Variants in TESMIN observed in about 807,000 individuals in gnomAD.
TESMIN encodes CXC domain containing 2.
Under a neutral mutation model 47.4 loss-of-function variants are expected in TESMIN, and 34 were observed. That is an observed-to-expected ratio of 0.72 (90% CI 0.55 to 0.96). The LOEUF (loss-of-function observed/expected upper bound fraction) is 0.96. Ranked by LOEUF, TESMIN falls within the 40% of genes least tolerant of loss-of-function variation. The probability of loss-of-function intolerance (pLI) is 0.00; values close to 1 mark genes in which losing one functional copy is unlikely to be tolerated. For missense variants in TESMIN, 610 were observed against 637.2 expected (o/e 0.96, Z 0.46); for synonymous variants, 278 against 258.9 (o/e 1.07, Z -0.71).
At chr11:68,712,205 C>A (rs1482614720) in intron 8 of TESMIN, among the ~76,000 whole-genome samples, 2 of 152,230 alleles carry the variant, frequency 1.3e-5, no homozygotes, top group Non-Finnish European at 2.9e-5. Flanking sequence ...GTGGGCTGAG[C>A]CACAGTTCCA....
chr11:68,725,186 G>C (rs575905840), intron 6 of TESMIN, among the ~76,000 whole-genome samples: 61 of 152,230 alleles, frequency 4.0e-4, no homozygotes, highest in African/African-American at 1.3e-3. Flanking sequence ...GAGAGCTGAC[G>C]GGGCTGCACT....
At chr11:68,741,732 TG>T (rs1946459442) in intron 5 of TESMIN, among the ~76,000 whole-genome samples, 1 of 152,132 alleles carries the variant, frequency 6.6e-6, no homozygotes, top group Admixed American at 6.5e-5. Flanking sequence ...TGCATTCTTG[TG>T]GGTGGATGCA....
intron 6 of TESMIN, chr11:68,736,819 A>G (rs1443460686): frequency 3.1e-6 from 3 of 974,350 alleles, no homozygotes; most frequent in Non-Finnish European, 2.4e-6. Context: ...CGAGAAGAGG[A>G]AGGAGGAGGA....
Position 68,708,475 on chromosome 11 carries a change from C to T in TESMIN, c.1360G>A (p.Glu454Lys). Residue 454 changes from glutamate (E) to lysine (K), a missense_variant, in exon 10 of 10, where the codon GAG becomes AAG. By Grantham distance (56) the Glu-to-Lys change is moderately conservative. Coordinates refer to ENST00000255087, the MANE Select transcript of TESMIN (RefSeq NM_004923.3). ...DRRPSSCISW[E>K]VVEATCACLL... ...CAGGCGCATGTGGCCTCCACCACCT[C>T]CCAGGAGATGCATGAGGAAGGCCGC... The T allele has an allele frequency of 6.2e-7, 1 of 1,610,866 alleles. No homozygotes were observed. The highest frequency in any genetic ancestry group is 8.5e-7 in the Non-Finnish European group (1 of 1,178,792).
chr11:68,747,104 A>G lies in TESMIN; in HGVS notation c.630+104T>C, dbSNP rs767717315. 8 of 1,309,640 alleles carry G rather than the reference A, an allele frequency of 6.1e-6. 1 individual carries two copies. The South Asian group carries it at 9.6e-5, about 16-fold the overall frequency. 81.1% of individuals were successfully genotyped at this position (1,309,640 alleles called of 1,614,324 possible). On this transcript the variant is annotated intron_variant, in intron 3 of 9. Coordinates refer to ENST00000255087, the MANE Select transcript of TESMIN (RefSeq NM_004923.3). ...ACAACCAAAAATCCTGATACAATAC[A>G]TACGTGAAATGAAAAACGAGTGAAA...
downstream of TESMIN, among the ~76,000 whole-genome samples, chr11:68,706,724 T>C (rs1946002305): frequency 6.6e-6 from 1 of 152,240 alleles, no homozygotes. Context: ...GAAACGATAG[T>C]ATTTTGGATA....
chr11:68,738,340 C>G (rs963464772), intron 6 of TESMIN: 3 of 1,019,480 alleles, frequency 2.9e-6, no homozygotes, highest in Admixed American at 1.1e-4. Context: ...GCTGCCACAC[C>G]ATTATTTCCA....
intron 6 of TESMIN, among the ~76,000 whole-genome samples, chr11:68,717,048 G>A (rs774752891): frequency 3.7e-4 from 56 of 152,374 alleles, no homozygotes; most frequent in Non-Finnish European, 6.3e-4. Flanking sequence ...AACCCTGGGC[G>A]TGTGAAGCTT....
At chr11:68,737,854 AG>A (rs1454117499) in intron 6 of TESMIN, 3 of 866,292 alleles carry the variant, frequency 3.5e-6, no homozygotes, top group Non-Finnish European at 4.2e-6. Context: ...CGGAGGTTGC[AG>A]TGAGCAGAGA....
At chr11:68,732,337 TA>T (rs1333178278) in intron 6 of TESMIN, among the ~76,000 whole-genome samples, 1 of 152,250 alleles carries the variant, frequency 6.6e-6, no homozygotes, top group African/African-American at 2.4e-5. Flanking sequence ...CATTCTGACG[TA>T]ATTCAAGTTA....
In TESMIN at chr11:68,750,694, G is replaced by A. The variant is rs569027620; in HGVS notation, c.-34C>T. On this transcript the variant is annotated 5_prime_UTR_variant, in exon 2 of 10. Transcript: ENST00000255087. ...GCGGCGGGGCGGGATGGCGGGGGCC[G>A]CGCACCTGCAACACGCGGCCAGGTG... 267 of 1,417,272 alleles carry A rather than the reference G, an allele frequency of 1.9e-4. No homozygotes were observed. The African/African-American group carries it at 3.3e-3, about 17-fold the overall frequency. 87.8% of individuals were successfully genotyped at this position (1,417,272 alleles called of 1,614,324 possible).
At chr11:68,723,723 A>C (rs138689700) in intron 6 of TESMIN, among the ~76,000 whole-genome samples, 109 of 152,298 alleles carry the variant, frequency 7.2e-4, no homozygotes, top group Non-Finnish European at 1.4e-3. Flanking sequence ...TACAGAGGTC[A>C]TCTTTAAATA....
intron 9 of TESMIN, among the ~76,000 whole-genome samples, chr11:68,709,088 GA>G (rs1306894969): frequency 1.4e-4 from 9 of 64,438 alleles, no homozygotes; most frequent in South Asian, 1.4e-3. Flanking sequence ...AGAAAGAAAA[GA>G]AAAGAAAGAA....
chr11:68,715,879 GCAA>G lies in TESMIN; in HGVS notation c.975_977del (p.Cys326del), dbSNP rs1566313350. ...GTTCAATATCATGATGCAAGTTGTT[GCAA>G]CAATTATTACAATTGCAGTTGTTGC... On this transcript the variant is annotated inframe_deletion, in exon 7 of 10. Coordinates refer to ENST00000255087, the MANE Select transcript of TESMIN (RefSeq NM_004923.3). 1 of 1,613,278 alleles carries G rather than the reference GCAA, an allele frequency of 6.2e-7. No individual in the cohort carries two copies. The highest frequency in any genetic ancestry group is 1.7e-5 in the Admixed American group (1 of 60,030).
At chr11:68,747,693 C>T (rs893289994) in intron 2 of TESMIN, among the ~76,000 whole-genome samples, 45 of 152,230 alleles carry the variant, frequency 3.0e-4, no homozygotes, top group Non-Finnish European at 5.3e-4. Flanking sequence ...TCCTTGGTAA[C>T]GTTTTAATAT....
At chr11:68,719,864 C>T (rs567017531) in intron 6 of TESMIN, among the ~76,000 whole-genome samples, 3 of 152,126 alleles carry the variant, frequency 2.0e-5, no homozygotes, top group South Asian at 2.1e-4. Context: ...GTGAGCATTA[C>T]GGAAGGAGAG....
intron 6 of TESMIN, among the ~76,000 whole-genome samples, chr11:68,722,288 G>A (rs1416289942): frequency 6.6e-6 from 1 of 152,186 alleles, no homozygotes; most frequent in Non-Finnish European, 1.5e-5. Flanking sequence ...AGAGTTTGAT[G>A]GGTATAGAAT....
At chr11:68,746,634 G>A (rs980777002) in intron 3 of TESMIN, among the ~76,000 whole-genome samples, 1 of 152,170 alleles carries the variant, frequency 6.6e-6, no homozygotes, top group African/African-American at 2.4e-5. Context: ...GAGATCTGGA[G>A]TCCCAGATGC....
Position 68,708,412 on chromosome 11 carries a change from A to C in TESMIN, c.1423T>G (p.Cys475Gly), listed in dbSNP as rs1946022097. ...ATCTGCTCTGCCAGGCACTTGGAGC[A>C]GTGTTCTTTCTCGGCCTCTTCTCCC... is the stretch of plus-strand genomic sequence containing the variant. ...AQGEEAEKEH[C>G]SKCLAEQMIL... Residue 475 changes from cysteine to glycine, a missense_variant, in exon 10 of 10, where the codon TGC (cysteine) becomes GGC (glycine). Cys to Gly is a radical substitution (Grantham distance 159). Coordinates refer to ENST00000255087, the MANE Select transcript of TESMIN (RefSeq NM_004923.3). The C allele has an allele frequency of 6.2e-7, 1 of 1,614,092 alleles. No individual in the cohort carries two copies. Among genetic ancestry groups the C allele is most frequent in the Non-Finnish European group, 8.5e-7 (1 of 1,180,032 alleles).
Sources: allele counts gnomAD v4.1 joint callset (sites outside exome capture counted in the v4.1 genomes callset), GRCh38; gene constraint gnomAD v4.1.1; transcripts MANE v1.5; gene names NCBI Gene and HGNC (gene_info 2026-07-23, HGNC 2026-07-21).